The following EFCAB3 variants were observed in gnomAD, a reference collection of about 807,000 sequenced individuals.
EFCAB3 encodes EF-hand calcium-binding domain-containing protein 3.
EFCAB3 carries 36 observed loss-of-function variants against 42.2 expected under a neutral mutation model. The ratio of observed to expected loss-of-function variants is 0.85; its 90% confidence interval spans 0.65 to 1.13. The LOEUF is 1.13. Ranked by LOEUF, EFCAB3 falls within the 50% of genes most tolerant of loss-of-function variation. The pLI, the probability that EFCAB3 is intolerant of heterozygous loss-of-function variation, is 0.00. For synonymous variants in EFCAB3, 170 were observed against 172.8 expected, an observed-to-expected ratio of 0.98 and a Z score of 0.13; for missense variants, 418 against 505.1, an observed-to-expected ratio of 0.83 and a Z score of 1.65.
intron 6 of EFCAB3, among the ~76,000 whole-genome samples, chr17:62,402,604 A>G (rs994618474): frequency 2.0e-5 from 3 of 152,188 alleles, no homozygotes; most frequent in Non-Finnish European, 4.4e-5. Context: ...ATTGATTTGC[A>G]TATGTTGAAC....
upstream of EFCAB3, chr17:62,378,106 A>G: frequency 4.5e-6 from 5 of 1,110,796 alleles, no homozygotes; most frequent in Non-Finnish European, 6.4e-6. Flanking sequence ...TACTTTCCCT[A>G]ATTGTCTTGT....
chr17:62,416,410 G>T lies in EFCAB3; in HGVS notation c.*81G>T, dbSNP rs2070550115. The T allele has an allele frequency of 2.5e-6, 3 of 1,198,808 alleles. No individual in the cohort carries two copies. Among genetic ancestry groups the T allele is most frequent in the Non-Finnish European group, 3.4e-6 (3 of 876,712 alleles). The allele number at this position is 1,198,808 out of a possible 1,614,324, so 74.3% of individuals were successfully genotyped here. ...ATTATTGTTTCTTGCTTTTGTCTAA[G>T]TACATTCTTAGAAGCTGGAAATTTT... On this transcript the variant is annotated 3_prime_UTR_variant, in exon 10 of 10. Transcript: ENST00000305286.
intron 9 of EFCAB3, among the ~76,000 whole-genome samples, chr17:62,415,205 A>G (rs1252025552): frequency 6.6e-6 from 1 of 152,082 alleles, no homozygotes; most frequent in Non-Finnish European, 1.5e-5. Context: ...GCAGTCTCCA[A>G]CCTGGTATCC....
In EFCAB3 at chr17:62,406,465, CT is replaced by C. The variant is rs35484716; in HGVS notation, c.489-5del. On this transcript the variant is annotated splice_polypyrimidine_tract_variant and intron_variant, in intron 6 of 9. Coordinates refer to ENST00000305286, the MANE Select transcript of EFCAB3 (RefSeq NM_173503.4). ...TCTCTTTGTATCCATTTCTGAATTA[CT>C]TTTTTTTTTAAAGCTATTTCCAAAG... 1.7e-3 allele frequency: 2,424 copies of C among 1,409,230 alleles called. No homozygotes were observed. Among genetic ancestry groups the C allele is most frequent in the South Asian group, 5.3e-3 (387 of 72,362 alleles). 87.3% of individuals were successfully genotyped at this position (1,409,230 alleles called of 1,614,324 possible). A position where few individuals can be genotyped will look rare whatever the true frequency, so the allele number is the denominator to read the frequency against.
At chr17:62,373,065 G>C (rs2070124970) in intron 1 of EFCAB3, among the ~76,000 whole-genome samples, 1 of 152,056 alleles carries the variant, frequency 6.6e-6, no homozygotes, top group Non-Finnish European at 1.5e-5. Context: ...TGGATTGCTT[G>C]AGACCAGGAG....
chr17:62,391,757 G>C (rs1021814112), intron 3 of EFCAB3, 65 bp from the exon 4 acceptor site: 1 of 1,544,522 alleles, frequency 6.5e-7, no homozygotes, highest in Non-Finnish European at 8.9e-7. Context: ...GTCTGTCCTA[G>C]TCCTATTAGT....
chr17:62,373,721 G>A, intron 1 of EFCAB3: 1 of 729,144 alleles, frequency 1.4e-6, no homozygotes, highest in Non-Finnish European at 2.3e-6. Flanking sequence ...ACTCATGGAA[G>A]AATTTCAGCC....
At chr17:62,411,117 T>C (rs919147909) in intron 8 of EFCAB3, among the ~76,000 whole-genome samples, 2 of 152,170 alleles carry the variant, frequency 1.3e-5, no homozygotes, top group Non-Finnish European at 2.9e-5. Context: ...AACACATCCA[T>C]ATCCTAGGTT....
At chr17:62,377,514 G>A (rs1183067546), upstream of EFCAB3, among the ~76,000 whole-genome samples, 13 of 152,118 alleles carry the variant, frequency 8.5e-5, no homozygotes, top group Admixed American at 8.5e-4. Flanking sequence ...GAAAGGGGTG[G>A]GGTGAAGGGA....
chr17:62,407,311 C>G, intron 8 of EFCAB3, 99 bp downstream of exon 8: 1 of 1,120,652 alleles, frequency 8.9e-7, no homozygotes, highest in Non-Finnish European at 1.2e-6. Context: ...TAGTTTTAGT[C>G]ATTATTTTCA....
chr17:62,374,328 G>A (rs1168075460), intron 2 of EFCAB3, among the ~76,000 whole-genome samples: 1 of 152,090 alleles, frequency 6.6e-6, no homozygotes, highest in Non-Finnish European at 1.5e-5. Flanking sequence ...GGGCGTCATG[G>A]TGCGTGCCTG....
intron 8 of EFCAB3, among the ~76,000 whole-genome samples, chr17:62,408,296 A>G (rs1160733549): frequency 1.3e-5 from 2 of 152,186 alleles, no homozygotes. Flanking sequence ...AGAGCATACT[A>G]TATGCTAGAT....
chr17:62,412,021 A>G (rs1386754642), intron 8 of EFCAB3, among the ~76,000 whole-genome samples: 5 of 152,148 alleles, frequency 3.3e-5, no homozygotes, highest in Non-Finnish European at 2.9e-5. Context: ...AATAATATCT[A>G]TAGATTGAGG....
chr17:62,370,528 C>T (rs1458979905), intron 1 of EFCAB3, among the ~76,000 whole-genome samples: 1 of 151,976 alleles, frequency 6.6e-6, no homozygotes, highest in Non-Finnish European at 1.5e-5. Context: ...TGGTGGTGGG[C>T]ACCTGTAATC....
At chr17:62,373,673 C>A in intron 1 of EFCAB3, 1 of 596,816 alleles carries the variant, frequency 1.7e-6, no homozygotes, top group Admixed American at 3.3e-5. Flanking sequence ...AAAAATGAAT[C>A]CAAATTCCAA....
At chr17:62,382,251 C>A (rs1445135276) in intron 1 of EFCAB3, among the ~76,000 whole-genome samples, 1 of 152,160 alleles carries the variant, frequency 6.6e-6, no homozygotes, top group Non-Finnish European at 1.5e-5. Context: ...AAAATAGCAT[C>A]TTTAAATAAC....
intron 8 of EFCAB3, among the ~76,000 whole-genome samples, chr17:62,410,595 T>A (rs57926064): frequency 0.076 from 11,551 of 151,678 alleles, 501 homozygotes; most frequent in South Asian, 0.24. Flanking sequence ...CTCTACAAAA[T>A]ATATATATAA....
At chr17:62,377,887 T>A (rs1002931730), upstream of EFCAB3, 21 of 1,124,302 alleles carry the variant, frequency 1.9e-5, no homozygotes, top group Non-Finnish European at 2.4e-5. Flanking sequence ...GGGAAAAAAA[T>A]AAGATAAATT....
intron 6 of EFCAB3, chr17:62,397,659 T>C: frequency 3.4e-6 from 2 of 593,574 alleles, no homozygotes; most frequent in African/African-American, 1.8e-5. Flanking sequence ...ATCACAGCCT[T>C]TGTACCCAAT....
Sources: allele counts gnomAD v4.1 joint callset (sites outside exome capture counted in the v4.1 genomes callset), GRCh38; gene constraint gnomAD v4.1.1; transcripts MANE v1.5; gene names NCBI Gene and HGNC (gene_info 2026-07-23, HGNC 2026-07-21).